The following CCDC148 variants were observed in gnomAD, a reference collection of about 807,000 sequenced individuals.
The protein encoded by CCDC148 is coiled-coil domain-containing protein 148.
CCDC148 carries 89 observed loss-of-function variants against 85.7 expected under a neutral mutation model. The ratio of observed to expected loss-of-function variants is 1.04; its 90% confidence interval spans 0.87 to 1.24. The LOEUF (loss-of-function observed/expected upper bound fraction) is 1.24, where lower values mean the gene tolerates loss of function less well. CCDC148 is among the 50% of genes most tolerant of loss of function. The pLI is 0.00. For missense variants in CCDC148, 692 were observed against 671.7 expected, an observed-to-expected ratio of 1.03 and a Z score of -0.33; for synonymous variants, 230 against 213.9, an observed-to-expected ratio of 1.08 and a Z score of -0.66.
At chr2:158,357,138 G>C (rs575158567) in intron 2 of CCDC148, among the ~76,000 whole-genome samples, 6 of 150,680 alleles carry the variant, frequency 4.0e-5, no homozygotes, top group Admixed American at 2.7e-4. Flanking sequence ...TAGATGACGA[G>C]TTAGTGGGTG....
At chr2:158,272,714 C>G (rs1559033166) in intron 9 of CCDC148, among the ~76,000 whole-genome samples, 1 of 152,138 alleles carries the variant, frequency 6.6e-6, no homozygotes, top group Non-Finnish European at 1.5e-5. Flanking sequence ...CTTGGAGTAT[C>G]CACTCAACGT....
intron 1 of CCDC148, among the ~76,000 whole-genome samples, chr2:158,419,418 A>T (rs1559132491): frequency 6.6e-6 from 1 of 152,212 alleles, no homozygotes; most frequent in Non-Finnish European, 1.5e-5. Context: ...TCAATTTTCC[A>T]TGATAAAACC....
chr2:158,319,963 T>C lies in CCDC148; in HGVS notation c.765-6069A>G, dbSNP rs149615128. Reference sequence around the variant, plus strand: ...CTAGAAATACATTATTTGCTCTATGTTTTAAATCCTTATATTGAGCCAAAA... The same window carrying C: ...CTAGAAATACATTATTTGCTCTATGCTTTAAATCCTTATATTGAGCCAAAA... On this transcript the variant is annotated intron_variant, in intron 7 of 13. Coordinates refer to ENST00000283233, the MANE Select transcript of CCDC148 (RefSeq NM_138803.4). Among the ~76,000 whole-genome samples, 468 of 152,282 alleles carry C rather than the reference T, an allele frequency of 3.1e-3. 3 individuals carry two copies. The highest frequency in any genetic ancestry group is 0.011 in the African/African-American group (450 of 41,518).
chr2:158,335,792 C>A (rs1682344515), intron 7 of CCDC148, among the ~76,000 whole-genome samples: 1 of 152,086 alleles, frequency 6.6e-6, no homozygotes, highest in Admixed American at 6.6e-5. Flanking sequence ...TCACCTAATC[C>A]TCTCCTGAGG....
chr2:158,189,833 T>C (rs568597245), intron 11 of CCDC148, among the ~76,000 whole-genome samples: 2 of 152,090 alleles, frequency 1.3e-5, no homozygotes, highest in South Asian at 4.1e-4. Flanking sequence ...CTAGTGGCTA[T>C]GACTTAATCT....
At chr2:158,387,387 A>G (rs1413818880) in intron 1 of CCDC148, among the ~76,000 whole-genome samples, 1 of 151,926 alleles carries the variant, frequency 6.6e-6, no homozygotes, top group Non-Finnish European at 1.5e-5. Context: ...CTCCTCTCCT[A>G]TATTTGTAAC....
intron 9 of CCDC148, among the ~76,000 whole-genome samples, chr2:158,296,682 C>A (rs1225090730): frequency 1.3e-5 from 2 of 152,104 alleles, no homozygotes; most frequent in Non-Finnish European, 2.9e-5. Context: ...TTATAAAGAA[C>A]ATTTAAAAAG....
intron 5 of CCDC148, 88 bp from the exon 6 acceptor site, chr2:158,339,173 C>T (rs1198909412): frequency 9.7e-7 from 1 of 1,028,398 alleles, no homozygotes; most frequent in Non-Finnish European, 1.5e-6. Context: ...TTCTCAAAAG[C>T]CAATCAGTGA....
chr2:158,221,736 C>T (rs543088608), intron 10 of CCDC148, among the ~76,000 whole-genome samples: 19 of 152,326 alleles, frequency 1.2e-4, no homozygotes, highest in African/African-American at 4.6e-4. Flanking sequence ...ACAGACATAG[C>T]AACTCTGCAG....
At chr2:158,219,055 G>A (rs1687035405) in intron 11 of CCDC148, among the ~76,000 whole-genome samples, 1 of 152,144 alleles carries the variant, frequency 6.6e-6, no homozygotes, top group Admixed American at 6.5e-5. Context: ...GAATCTCATT[G>A]TATCAAATGG....
At chr2:158,291,513 G>A (rs1690893582) in intron 9 of CCDC148, among the ~76,000 whole-genome samples, 4 of 152,158 alleles carry the variant, frequency 2.6e-5, no homozygotes, top group African/African-American at 9.7e-5. Context: ...TGTCTAGAAT[G>A]TCCTCCCACT....
intron 11 of CCDC148, among the ~76,000 whole-genome samples, chr2:158,188,420 A>C (rs1685255859): frequency 6.7e-6 from 1 of 149,960 alleles, no homozygotes; most frequent in East Asian, 1.9e-4. Context: ...TGATATTAGA[A>C]TATTTTTTTT....
chr2:158,317,885 C>A (rs926738565), intron 7 of CCDC148, among the ~76,000 whole-genome samples: 1 of 152,172 alleles, frequency 6.6e-6, no homozygotes, highest in African/African-American at 2.4e-5. Flanking sequence ...CAATAGTGAA[C>A]CTGACCTGAA....
intron 11 of CCDC148, among the ~76,000 whole-genome samples, chr2:158,218,805 T>C (rs966836331): frequency 3.3e-5 from 5 of 152,232 alleles, no homozygotes; most frequent in African/African-American, 7.2e-5. Context: ...TGGGTTCTCA[T>C]TGGTGGCTTC....
intron 10 of CCDC148, among the ~76,000 whole-genome samples, chr2:158,241,062 T>A (rs1027805558): frequency 1.3e-5 from 2 of 152,154 alleles, no homozygotes; most frequent in African/African-American, 2.4e-5. Context: ...TAGGCATGGA[T>A]GAGAACAAAG....
intron 9 of CCDC148, among the ~76,000 whole-genome samples, chr2:158,284,745 A>T (rs1690535506): frequency 6.6e-6 from 1 of 152,210 alleles, no homozygotes; most frequent in Non-Finnish European, 1.5e-5. Flanking sequence ...TTTTTAATTC[A>T]ATGTCTAGTA....
chr2:158,446,528 G>A (rs1440134301), intron 1 of CCDC148, among the ~76,000 whole-genome samples: 4 of 151,966 alleles, frequency 2.6e-5, no homozygotes, highest in African/African-American at 7.3e-5. Flanking sequence ...TTTTAATCAT[G>A]TTAGAAAATG....
At chr2:158,276,554 T>TCAAAACAAAA (rs58603462) in intron 9 of CCDC148, among the ~76,000 whole-genome samples, 6,393 of 149,936 alleles carry the variant, frequency 0.043, 373 homozygotes, top group African/African-American at 0.13. Context: ...AGACTCAGTC[T>TCAAAACAAAA]CAAAACAAAA....
chr2:158,333,961 A>C (rs984488386), intron 7 of CCDC148, among the ~76,000 whole-genome samples: 1 of 152,118 alleles, frequency 6.6e-6, no homozygotes, highest in Admixed American at 6.6e-5. Context: ...TCAATATCCA[A>C]AAAATAATTT....
Sources: gnomAD v4.1 joint callset for allele counts (sites outside exome capture counted in the v4.1 genomes callset) on GRCh38, gnomAD v4.1.1 for gene constraint, MANE v1.5 for transcripts, NCBI Gene and HGNC (gene_info 2026-07-23, HGNC 2026-07-21) for gene names.